The following KIAA1217 variants were observed in gnomAD, a reference collection of about 807,000 sequenced individuals.
KIAA1217 encodes KIAA1217.
In KIAA1217, 88 loss-of-function variants were observed where a neutral mutation model predicts 163.9. That is an observed-to-expected ratio of 0.54 (90% CI 0.45 to 0.64). The LOEUF is 0.64. KIAA1217 is among the 30% of genes least tolerant of loss of function. KIAA1217 has a pLI of 0.00. For missense variants in KIAA1217, 2,372 were observed against 2,475.0 expected (o/e 0.96, Z 0.88); for synonymous variants, 903 against 923.1 (o/e 0.98, Z 0.39).
rs544632220 is a variant in KIAA1217, at chr10:23,929,604, G to T, written c.-320-77621G>T. On this transcript the variant is annotated intron_variant, in intron 1 of 18. Transcript: ENST00000376462. ...CTGTGTTAATTTGCTTAAGATAATGGCCTCCAGCTGCGTCCATGTTGCTGC... is the reference window on the plus strand; with the variant it reads ...CTGTGTTAATTTGCTTAAGATAATGTCCTCCAGCTGCGTCCATGTTGCTGC... 7.2e-5 allele frequency among the ~76,000 whole-genome samples: 11 copies of T among 152,210 alleles called. No individual in the cohort carries two copies. In the South Asian group the frequency reaches 1.7e-3, roughly 23 times the overall value.
chr10:24,442,995 C>T (rs1053258962), intron 5 of KIAA1217, among the ~76,000 whole-genome samples: 2 of 150,850 alleles, frequency 1.3e-5, no homozygotes, highest in African/African-American at 4.9e-5. Context: ...ATTGCAACCT[C>T]TGCCTCCCAG....
chr10:23,895,455 A>G (rs903004095), intron 1 of KIAA1217, among the ~76,000 whole-genome samples: 35 of 152,150 alleles, frequency 2.3e-4, no homozygotes, highest in Non-Finnish European at 4.4e-4. Context: ...ACCATCTCAC[A>G]CCAGTTAGAA....
intron 2 of KIAA1217, among the ~76,000 whole-genome samples, chr10:24,341,518 A>T (rs1357790012): frequency 6.6e-6 from 1 of 152,232 alleles, no homozygotes; most frequent in African/African-American, 2.4e-5. Flanking sequence ...ACTTGTAGAT[A>T]CGTATAGTAT....
At chr10:24,233,204 A>G (rs2071702996) in intron 2 of KIAA1217, among the ~76,000 whole-genome samples, 1 of 152,166 alleles carries the variant, frequency 6.6e-6, no homozygotes, top group Admixed American at 6.5e-5. Flanking sequence ...GCTTCCACTC[A>G]TGACCAAAAG....
At chr10:24,209,338 G>T (rs974451029) in intron 1 of KIAA1217, 75 bp downstream of exon 1, 25 of 1,073,144 alleles carry the variant, frequency 2.3e-5, no homozygotes, top group Non-Finnish European at 3.5e-5. Context: ...TTTATAAACT[G>T]CAGCTCTGGG....
chr10:23,753,130 A>G (rs1199019435), intron 1 of KIAA1217, among the ~76,000 whole-genome samples: 3 of 152,214 alleles, frequency 2.0e-5, no homozygotes, highest in African/African-American at 7.2e-5. Flanking sequence ...TTCTGTGCCT[A>G]CTTGCAAAAA....
chr10:23,776,415 T>G (rs11013706), intron 1 of KIAA1217, among the ~76,000 whole-genome samples: 5,958 of 151,524 alleles, frequency 0.039, 145 homozygotes, highest in Admixed American at 0.079. Context: ...AATTCATTAT[T>G]GCTTTATTCA....
intron 2 of KIAA1217, among the ~76,000 whole-genome samples, chr10:24,093,827 A>G (rs975872176): frequency 1.7e-5 from 2 of 119,164 alleles, no homozygotes; most frequent in African/African-American, 6.8e-5. Flanking sequence ...CAGTCCCCAG[A>G]GTGTGATGTT....
At chr10:23,743,635 A>G (rs1839242583) in intron 1 of KIAA1217, among the ~76,000 whole-genome samples, 1 of 152,216 alleles carries the variant, frequency 6.6e-6, no homozygotes. Context: ...AGAAATGATC[A>G]GCAGCCACTT....
At chr10:23,948,223 T>C (rs990138281) in intron 1 of KIAA1217, among the ~76,000 whole-genome samples, 3 of 152,214 alleles carry the variant, frequency 2.0e-5, no homozygotes, top group Non-Finnish European at 4.4e-5. Flanking sequence ...AACTTCTCTG[T>C]GCTTCAGTCT....
At chr10:23,978,435 G>GGCTT (rs1845630324) in intron 1 of KIAA1217, among the ~76,000 whole-genome samples, 1 of 152,116 alleles carries the variant, frequency 6.6e-6, no homozygotes, top group South Asian at 2.1e-4. Context: ...TTCTGATACT[G>GGCTT]GCTTGAAGTT....
At chr10:23,717,169 C>G (rs1837620841) in intron 1 of KIAA1217, among the ~76,000 whole-genome samples, 1 of 152,094 alleles carries the variant, frequency 6.6e-6, no homozygotes, top group Non-Finnish European at 1.5e-5. Flanking sequence ...TTTGTCATCT[C>G]TAGGTTTCCG....
intron 1 of KIAA1217, among the ~76,000 whole-genome samples, chr10:23,790,214 C>CACATATGCATATAG (rs1835722164): frequency 1.0e-5 from 1 of 99,364 alleles, no homozygotes; most frequent in African/African-American, 5.0e-5. Context: ...TACACATATA[C>CACATATGCATATAG]ACATATGCAT....
At chr10:23,731,471 A>G (rs1410894574) in intron 1 of KIAA1217, among the ~76,000 whole-genome samples, 1 of 152,322 alleles carries the variant, frequency 6.6e-6, no homozygotes, top group African/African-American at 2.4e-5. Flanking sequence ...CTTCATGGTC[A>G]GTGGTCTCTT....
chr10:23,711,244 A>G (rs1027014156), intron 1 of KIAA1217, among the ~76,000 whole-genome samples: 4 of 152,156 alleles, frequency 2.6e-5, no homozygotes, highest in African/African-American at 7.2e-5. Flanking sequence ...AGCTGTGGCT[A>G]TTTTACCTCC....
intron 8 of KIAA1217, among the ~76,000 whole-genome samples, chr10:24,500,391 T>TGC (rs1439115270): frequency 7.8e-6 from 1 of 127,980 alleles, no homozygotes; most frequent in Non-Finnish European, 1.7e-5. Flanking sequence ...TCCAGAAGAG[T>TGC]GTGTGCGTGT....
Position 24,272,476 on chromosome 10 carries a change from C to T in KIAA1217, c.354+52567C>T, listed in dbSNP as rs536093838. 1.7e-3 allele frequency among the ~76,000 whole-genome samples: 258 copies of T among 152,222 alleles called. 1 individual carries two copies. Among genetic ancestry groups the T allele is most frequent in the African/African-American group, 5.9e-3 (247 of 41,544 alleles). ...GCAATCTGTTGTTGAAAGGAGAGTACGAGTTCTAAAAGCTACTCTAGGGAG... is the reference window on the plus strand; with the variant it reads ...GCAATCTGTTGTTGAAAGGAGAGTATGAGTTCTAAAAGCTACTCTAGGGAG... On this transcript the variant is annotated intron_variant, in intron 2 of 20. Coordinates refer to ENST00000376454, the MANE Select transcript of KIAA1217 (RefSeq NM_019590.5).
In KIAA1217 at chr10:24,139,899, G is replaced by T. The variant is rs12246893; in HGVS notation, c.-170-79727G>T. ...AATTTTTAAATTTGGCACAGTAAGT[G>T]ATTGATAACAATAACTAGTAGTAAA... On this transcript the variant is annotated intron_variant, in intron 2 of 18. Coordinates refer to the KIAA1217 transcript ENST00000376462. Among the ~76,000 whole-genome samples, 1,471 of 152,122 alleles carry T rather than the reference G, an allele frequency of 9.7e-3. 26 individuals carry two copies. Among genetic ancestry groups the T allele is most frequent in the African/African-American group, 0.033 (1,383 of 41,464 alleles).
intron 1 of KIAA1217, among the ~76,000 whole-genome samples, chr10:23,767,633 C>T (rs1052883967): frequency 1.3e-5 from 2 of 151,766 alleles, no homozygotes; most frequent in Admixed American, 6.6e-5. Context: ...ATTTGAGGGG[C>T]GAGGTAATTG....
Sources: gnomAD v4.1 joint callset for allele counts (sites outside exome capture counted in the v4.1 genomes callset) on GRCh38, gnomAD v4.1.1 for gene constraint, MANE v1.5 for transcripts, NCBI Gene and HGNC (gene_info 2026-07-23, HGNC 2026-07-21) for gene names.